The following SYNJ2 variants were observed in gnomAD, a reference collection of about 807,000 sequenced individuals.
SYNJ2 encodes polyphosphatidylinositol phosphatase SYNJ2.
Under a neutral mutation model 141.3 loss-of-function variants are expected in SYNJ2, and 116 were observed. The observed-to-expected ratio is 0.82, with a 90% CI of 0.71 to 0.96. The LOEUF is 0.96. Among genes scored for constraint, SYNJ2 ranks in the 40% least tolerant of loss-of-function variants. The pLI, the probability that SYNJ2 is intolerant of heterozygous loss-of-function variation, is 0.00. For synonymous variants in SYNJ2, 745 were observed against 777.7 expected (o/e 0.96, Z 0.70); for missense variants, 1,873 against 1,934.8 (o/e 0.97, Z 0.60).
intron 17 of SYNJ2, among the ~76,000 whole-genome samples, chr6:158,077,199 G>A (rs1006865706): frequency 6.6e-6 from 1 of 152,066 alleles, no homozygotes; most frequent in Non-Finnish European, 1.5e-5. Context: ...TCTCCATGTT[G>A]GTCAGGCTGG....
rs1781883433 is a variant in SYNJ2 at position 158,070,960 on chromosome 6, A to T, written c.1941-642A>T. 6.6e-6 allele frequency among the ~76,000 whole-genome samples: 1 copy of T among 152,180 alleles called. No individual in the cohort carries two copies. Among genetic ancestry groups the T allele is most frequent in the African/African-American group, 2.4e-5 (1 of 41,440 alleles). On this transcript the variant is annotated intron_variant, in intron 14 of 26. Transcript: ENST00000355585. The surrounding 1 kb of genome is among the most constrained non-coding windows in gnomAD (Gnocchi z 4.0). ...CACTTTGGGAGGCCAAGGCAGGCAG[A>T]TCACTTGAGGTGAGGAGTTTGAGAC...
chr6:158,061,926 A>C, intron 7 of SYNJ2, 66 bp from the exon 8 acceptor site: 2 of 1,512,964 alleles, frequency 1.3e-6, no homozygotes, highest in South Asian at 1.2e-5. Flanking sequence ...AAGCTCTGCA[A>C]GGAGCTTGCC....
chr6:158,014,685 G>A (rs927855649), intron 1 of SYNJ2, among the ~76,000 whole-genome samples: 32 of 152,220 alleles, frequency 2.1e-4, no homozygotes, highest in Non-Finnish European at 1.3e-4. Flanking sequence ...GCTATGTCCC[G>A]AGAACCAGCC....
intron 16 of SYNJ2, among the ~76,000 whole-genome samples, 188 bp downstream of exon 16, chr6:158,074,926 T>C (rs1470921458): frequency 0.011 from 147 of 13,192 alleles, no homozygotes; most frequent in Non-Finnish European, 0.018. Context: ...TCCTGTCCTT[T>C]TTTTTTTTTT....
In SYNJ2 at chr6:158,086,948, G is replaced by C. The variant is rs760905319; in HGVS notation, c.3302G>C (p.Arg1101Pro). The C allele has an allele frequency of 3.8e-5, 61 of 1,605,412 alleles. No homozygotes were observed. The highest frequency in any genetic ancestry group is 6.8e-6 in the Non-Finnish European group (8 of 1,178,712). Reference sequence around the variant, plus strand: ...AGCAGGTCTCTGTCGGTCCCCAACCGGCCTCGGCCACCTCAACCCCCGCAG... The same window carrying C: ...AGCAGGTCTCTGTCGGTCCCCAACCCGCCTCGGCCACCTCAACCCCCGCAG... ...SPSRSLSVPNRPRPPQPPQRP... is the reference protein window; with the variant it reads ...SPSRSLSVPNPPRPPQPPQRP... Residue 1101 changes from arginine to proline, a missense_variant, in exon 23 of 27, where the codon CGG (arginine) becomes CCG (proline). Arg to Pro is a moderately radical substitution (Grantham distance 103). Transcript: ENST00000355585.
chr6:157,981,873 C>A lies in SYNJ2; in HGVS notation c.-89C>A. ...GCGGCGGCGCAAAGTGAAACTCTGG[C>A]AAGTTGCGGGCGCGCGGGGAGCTGT... On this transcript the variant is annotated 5_prime_UTR_variant, in exon 1 of 27. Transcript: ENST00000355585. The surrounding 1 kb of genome is among the most constrained non-coding windows in gnomAD (Gnocchi z 6.4). 10 of 1,141,158 alleles carry A rather than the reference C, an allele frequency of 8.8e-6. No homozygotes were observed. Among genetic ancestry groups the A allele is most frequent in the Non-Finnish European group, 1.1e-5 (10 of 908,432 alleles). 70.7% of individuals were successfully genotyped at this position (1,141,158 alleles called of 1,614,324 possible). A position where few individuals can be genotyped will look rare whatever the true frequency, so the allele number is the denominator to read the frequency against.
intron 1 of SYNJ2, among the ~76,000 whole-genome samples, chr6:157,995,346 G>C (rs1777599196): frequency 6.6e-6 from 1 of 152,134 alleles, no homozygotes; most frequent in Non-Finnish European, 1.5e-5. Flanking sequence ...AAAGACTTGA[G>C]GGGTGCTCCT....
intron 1 of SYNJ2, among the ~76,000 whole-genome samples, chr6:157,997,786 A>C (rs976460381): frequency 6.6e-6 from 1 of 152,242 alleles, no homozygotes; most frequent in African/African-American, 2.4e-5. Context: ...AAGATTTTGA[A>C]AAGGATCCAC....
chr6:158,077,829 C>A (rs780886022), intron 17 of SYNJ2: 9 of 185,600 alleles, frequency 4.8e-5, no homozygotes, highest in Non-Finnish European at 7.9e-5. Flanking sequence ...TTCTCAGCTC[C>A]TGCAGCTCTT....
chr6:158,045,197 C>T (rs1284624641), intron 5 of SYNJ2, among the ~76,000 whole-genome samples: 1 of 150,990 alleles, frequency 6.6e-6, no homozygotes, highest in African/African-American at 2.4e-5. Flanking sequence ...AACATCTGCC[C>T]CCCGAGTTCA....
chr6:158,098,579 T>A lies in SYNJ2; in HGVS notation c.*2215T>A, dbSNP rs1783904770. On this transcript the variant is annotated 3_prime_UTR_variant, in exon 27 of 27. Coordinates refer to ENST00000355585, the MANE Select transcript of SYNJ2 (RefSeq NM_003898.4). The stretch of plus-strand genomic sequence containing the variant: ...CAATTGGAATTGCCTTATTTATTTT[T>A]AAAATCAATGCTTACTAGTTGGTAG... 2 of 152,202 alleles carry A rather than the reference T, an allele frequency of 1.3e-5. No individual in the cohort carries two copies. Among genetic ancestry groups the A allele is most frequent in the Admixed American group, 6.5e-5 (1 of 15,282 alleles). The allele number at this position is 152,202 out of a possible 1,614,324, so 9.4% of individuals were successfully genotyped here. A position where few individuals can be genotyped will look rare whatever the true frequency, so the allele number is the denominator to read the frequency against.
At chr6:157,981,448 G>A (rs780514661), upstream of SYNJ2, among the ~76,000 whole-genome samples, 7 of 152,228 alleles carry the variant, frequency 4.6e-5, no homozygotes, top group Non-Finnish European at 8.8e-5. This position sits in a 1 kb window ranked among gnomAD's most constrained non-coding sequence, Gnocchi z 6.4. Context: ...ACGCAGGGTC[G>A]AAAGGACTCG....
chr6:158,051,814 G>A (rs888674961), intron 5 of SYNJ2, among the ~76,000 whole-genome samples: 5 of 150,906 alleles, frequency 3.3e-5, no homozygotes, highest in Non-Finnish European at 5.9e-5. Flanking sequence ...AAAATAGCCA[G>A]GTGTTGTAGT....
chr6:158,003,420 A>T (rs986127550), intron 1 of SYNJ2, among the ~76,000 whole-genome samples: 3 of 152,230 alleles, frequency 2.0e-5, no homozygotes, highest in African/African-American at 7.2e-5. Flanking sequence ...CTTCAGCTCC[A>T]AAACTGATAA....
chr6:158,058,211 G>T (rs1017034218), intron 6 of SYNJ2, among the ~76,000 whole-genome samples: 3 of 152,126 alleles, frequency 2.0e-5, no homozygotes, highest in African/African-American at 7.2e-5. Flanking sequence ...GACATCATGT[G>T]TTTTTTTCCA....
chr6:157,984,654 T>A (rs1378930346), intron 1 of SYNJ2, among the ~76,000 whole-genome samples: 1 of 152,232 alleles, frequency 6.6e-6, no homozygotes, highest in Non-Finnish European at 1.5e-5. Context: ...TCCACCTGCT[T>A]TGGCCTCCCA....
At chr6:157,990,218 G>A (rs1255068285) in intron 1 of SYNJ2, among the ~76,000 whole-genome samples, 1 of 152,246 alleles carries the variant, frequency 6.6e-6, no homozygotes, top group African/African-American at 2.4e-5. Context: ...CAAGTTCCAC[G>A]GCTCCAGTGT....
At chr6:158,032,540 C>T (rs991998355) in intron 3 of SYNJ2, among the ~76,000 whole-genome samples, 1 of 152,168 alleles carries the variant, frequency 6.6e-6, no homozygotes, top group Non-Finnish European at 1.5e-5. Context: ...ACTACGTGGT[C>T]GTTCGCAGGT....
At position 158,040,161 on chromosome 6, in the gene SYNJ2, G is replaced by A. The variant is rs538258895; in HGVS notation, c.712-3155G>A. ...TAATCTTCTTTCTCTGAGGCAGGCT[G>A]TGTGTGTGTGTGCATGGGTTGTATG... On this transcript the variant is annotated intron_variant, in intron 4 of 26. Coordinates refer to ENST00000355585, the MANE Select transcript of SYNJ2 (RefSeq NM_003898.4). This position sits in a 1 kb window ranked among gnomAD's most constrained non-coding sequence, Gnocchi z 4.2. Among the ~76,000 whole-genome samples the A allele has an allele frequency of 6.6e-6, 1 of 151,864 alleles. No individual in the cohort carries two copies. Among genetic ancestry groups the A allele is most frequent in the Non-Finnish European group, 1.5e-5 (1 of 67,924 alleles).
Sources: gnomAD v4.1 joint callset for allele counts (sites outside exome capture counted in the v4.1 genomes callset) on GRCh38, gnomAD v4.1.1 for gene constraint, Gnocchi (gnomAD v3.1) non-coding constraint, MANE v1.5 for transcripts, NCBI Gene and HGNC (gene_info 2026-07-23, HGNC 2026-07-21) for gene names.